Variants in PAPSS1 observed in about 807,000 individuals in gnomAD.
PAPSS1 encodes 3'-phosphoadenosine 5'-phosphosulfate synthase 1.
Under a neutral mutation model 72.0 loss-of-function variants are expected in PAPSS1, and 50 were observed. That is an observed-to-expected ratio of 0.69 (90% CI 0.55 to 0.88). The LOEUF (loss-of-function observed/expected upper bound fraction) is 0.88, where lower values mean the gene tolerates loss of function less well. PAPSS1 is among the 40% of genes least tolerant of loss of function. The probability of loss-of-function intolerance (pLI) is 0.00; values close to 1 mark genes in which losing one functional copy is unlikely to be tolerated. For synonymous variants in PAPSS1, 261 were observed against 263.6 expected, an observed-to-expected ratio of 0.99 and a Z score of 0.09; for missense variants, 657 against 782.2, an observed-to-expected ratio of 0.84 and a Z score of 1.91.
intron 5 of PAPSS1, among the ~76,000 whole-genome samples, chr4:107,661,758 C>A (rs778533412): frequency 8.5e-5 from 13 of 152,076 alleles, no homozygotes; most frequent in Non-Finnish European, 1.8e-4. Context: ...GAATAGATGA[C>A]CTCTAGAAAG....
chr4:107,707,135 C>G (rs1723358543), intron 1 of PAPSS1, among the ~76,000 whole-genome samples: 1 of 152,170 alleles, frequency 6.6e-6, no homozygotes, highest in Non-Finnish European at 1.5e-5. Flanking sequence ...GTTGCAGCAG[C>G]CAGCCTGGAG....
At chr4:107,669,157 T>C (rs1037290060) in intron 5 of PAPSS1, among the ~76,000 whole-genome samples, 1 of 152,210 alleles carries the variant, frequency 6.6e-6, no homozygotes, top group Non-Finnish European at 1.5e-5. Context: ...TACCCCTGGA[T>C]AGAGGGAGTT....
intron 2 of PAPSS1, among the ~76,000 whole-genome samples, chr4:107,696,579 TC>T (rs1203248208): frequency 6.6e-6 from 1 of 151,782 alleles, no homozygotes; most frequent in African/African-American, 2.4e-5. Context: ...GGTGGAGGCC[TC>T]CCAGTGGGGG....
chr4:107,698,146 C>T (rs768701499), intron 2 of PAPSS1, among the ~76,000 whole-genome samples: 9 of 152,144 alleles, frequency 5.9e-5, no homozygotes, highest in Non-Finnish European at 1.0e-4. Context: ...TGTAGAAACA[C>T]AAAACAACAA....
chr4:107,713,779 A>AG (rs932194849), intron 1 of PAPSS1, among the ~76,000 whole-genome samples: 4 of 151,420 alleles, frequency 2.6e-5, no homozygotes, highest in Non-Finnish European at 5.9e-5. Flanking sequence ...AAAAGAAAAA[A>AG]AAATATGAAA....
intron 5 of PAPSS1, among the ~76,000 whole-genome samples, chr4:107,661,760 T>C (rs182269697): frequency 2.6e-5 from 4 of 152,274 alleles, no homozygotes; most frequent in African/African-American, 9.6e-5. Context: ...ATAGATGACC[T>C]CTAGAAAGAA....
intron 1 of PAPSS1, among the ~76,000 whole-genome samples, chr4:107,703,811 C>A (rs760825957): frequency 6.6e-6 from 1 of 152,120 alleles, no homozygotes; most frequent in African/African-American, 2.4e-5. Flanking sequence ...TATCTTTGCT[C>A]AAGATTGCTT....
chr4:107,623,349 T>C (rs548202696), intron 11 of PAPSS1, among the ~76,000 whole-genome samples: 1 of 151,946 alleles, frequency 6.6e-6, no homozygotes, highest in Admixed American at 6.5e-5. Context: ...AAACTGTTCA[T>C]TAAGTATATA....
chr4:107,672,642 C>A (rs1161853505), intron 5 of PAPSS1, among the ~76,000 whole-genome samples: 2 of 152,188 alleles, frequency 1.3e-5, no homozygotes, highest in Non-Finnish European at 2.9e-5. Context: ...CCTCTGGGGG[C>A]AGGGCATAGC....
At chr4:107,692,642 C>A (rs1165926052) in intron 3 of PAPSS1, among the ~76,000 whole-genome samples, 2 of 152,076 alleles carry the variant, frequency 1.3e-5, no homozygotes, top group African/African-American at 2.4e-5. Flanking sequence ...TGAGTATATA[C>A]CCAAATGAGT....
At chr4:107,657,055 G>C (rs781094573) in intron 6 of PAPSS1, 48 bp from the exon 7 acceptor site, 1 of 1,174,290 alleles carries the variant, frequency 8.5e-7, no homozygotes. Context: ...ATGTATATAT[G>C]AGCAAAAGCA....
chr4:107,699,303 T>C (rs894733905), intron 2 of PAPSS1, among the ~76,000 whole-genome samples: 1 of 148,654 alleles, frequency 6.7e-6, no homozygotes, highest in Non-Finnish European at 1.5e-5. Context: ...AAAAGAAAAG[T>C]CAACATTGCT....
intron 11 of PAPSS1, among the ~76,000 whole-genome samples, chr4:107,622,835 G>C (rs1374968009): frequency 1.3e-5 from 2 of 152,162 alleles, no homozygotes; most frequent in Non-Finnish European, 1.5e-5. Context: ...TATACCTACA[G>C]TTCCTTCCAT....
At chr4:107,644,685 A>G (rs1726645308) in intron 10 of PAPSS1, 117 bp downstream of exon 10, 1 of 943,746 alleles carries the variant, frequency 1.1e-6, no homozygotes, top group Non-Finnish European at 1.5e-6. Flanking sequence ...TGTCATGTAT[A>G]ACAAATGTTT....
At chr4:107,619,146 CTCTG>C (rs1420009463) in intron 11 of PAPSS1, among the ~76,000 whole-genome samples, 8 of 152,188 alleles carry the variant, frequency 5.3e-5, no homozygotes, top group Non-Finnish European at 1.2e-4. Context: ...TGCTAGATGA[CTCTG>C]TCTAACTTTT....
chr4:107,615,489 C>T (rs1725796566), intron 11 of PAPSS1, among the ~76,000 whole-genome samples: 1 of 152,194 alleles, frequency 6.6e-6, no homozygotes, highest in Non-Finnish European at 1.5e-5. Flanking sequence ...TATGTTTTAA[C>T]TAATAATCAC....
chr4:107,670,218 T>C (rs1441750490), intron 5 of PAPSS1, among the ~76,000 whole-genome samples: 2 of 152,170 alleles, frequency 1.3e-5, no homozygotes, highest in African/African-American at 4.8e-5. Context: ...TTCTTATCTA[T>C]CCTTCTTTTT....
At chr4:107,656,760 A>G (rs1407368665) in intron 7 of PAPSS1, 136 bp downstream of exon 7, 3 of 641,498 alleles carry the variant, frequency 4.7e-6, no homozygotes, top group Non-Finnish European at 8.4e-6. Context: ...AGTGTTCGGT[A>G]CTGATATAAC....
At chr4:107,627,454 C>A (rs750242365) in intron 11 of PAPSS1, among the ~76,000 whole-genome samples, 3 of 152,110 alleles carry the variant, frequency 2.0e-5, no homozygotes, top group Non-Finnish European at 4.4e-5. Context: ...CTGGGCCCAG[C>A]ATTTCACCTG....
Sources: gnomAD v4.1 joint callset for allele counts (sites outside exome capture counted in the v4.1 genomes callset) on GRCh38, gnomAD v4.1.1 for gene constraint, MANE v1.5 for transcripts, NCBI Gene and HGNC (gene_info 2026-07-23, HGNC 2026-07-21) for gene names.